The following HID1 variants were observed in gnomAD, a reference collection of about 807,000 sequenced individuals.
HID1 encodes the protein HID1 domain containing.
In HID1, 42 loss-of-function variants were observed where a neutral mutation model predicts 89.7. The observed-to-expected ratio is 0.47, with a 90% confidence interval of 0.37 to 0.61. The LOEUF (loss-of-function observed/expected upper bound fraction) is 0.61, where lower values mean the gene tolerates loss of function less well. HID1 is among the 20% of genes least tolerant of loss of function. The probability of loss-of-function intolerance (pLI) is 0.00; values close to 1 mark genes in which losing one functional copy is unlikely to be tolerated. For missense variants in HID1, 854 were observed against 1,039.3 expected (o/e 0.82, Z 2.45); for synonymous variants, 442 against 433.8 (o/e 1.02, Z -0.24).
At position 74,951,251 on chromosome 17, in the gene HID1, C is replaced by A; in HGVS notation, c.*319G>T. ...GGCTTCTGCCTCTGGGGCTGGGTAG[C>A]ACAGGAGTGGGTGGGCACTGAGGGG... is the stretch of plus-strand genomic sequence containing the variant. On this transcript the variant is annotated 3_prime_UTR_variant, in exon 19 of 19. Coordinates refer to ENST00000425042, the MANE Select transcript of HID1 (RefSeq NM_030630.3). 2.4e-6 allele frequency: 1 copy of A among 422,256 alleles called. No homozygotes were observed. The highest frequency in any genetic ancestry group is 4.3e-6 in the Non-Finnish European group (1 of 233,518). The allele number at this position is 422,256 out of a possible 1,614,324, so 26.2% of individuals were successfully genotyped here.
intron 1 of HID1, among the ~76,000 whole-genome samples, chr17:74,966,437 C>T (rs2039564914): frequency 1.3e-5 from 2 of 151,934 alleles, no homozygotes; most frequent in Non-Finnish European, 2.9e-5. Context: ...TGTTAAGGGA[C>T]CAGAGTGTCC....
In HID1 at chr17:74,972,189, G is replaced by T. The variant is rs2039658221; in HGVS notation, c.66+402C>A. 6.9e-6 allele frequency among the ~76,000 whole-genome samples: 1 copy of T among 144,050 alleles called. No homozygotes were observed. Among genetic ancestry groups the T allele is most frequent in the Non-Finnish European group, 1.5e-5 (1 of 65,274 alleles). 94.5% of individuals were successfully genotyped at this position (144,050 alleles called of 152,430 possible). A position where few individuals can be genotyped will look rare whatever the true frequency, so the allele number is the denominator to read the frequency against. On this transcript the variant is annotated intron_variant, in intron 1 of 18. Transcript: ENST00000425042. The surrounding 1 kb of genome is among the most constrained non-coding windows in gnomAD (Gnocchi z 6.4). ...GAGTCAACAGGGACTGTGCGTCCGGGACCCGCGGGCAATGAGGGGCAGGGA... is the reference window on the plus strand; with the variant it reads ...GAGTCAACAGGGACTGTGCGTCCGGTACCCGCGGGCAATGAGGGGCAGGGA...
chr17:74,970,020 G>C (rs1471338487), intron 1 of HID1, among the ~76,000 whole-genome samples: 1 of 148,232 alleles, frequency 6.7e-6, no homozygotes, highest in Non-Finnish European at 1.5e-5. Context: ...GGGGTCAAGC[G>C]ATTCTACTGC....
At position 74,963,154 on chromosome 17, in the gene HID1, G is replaced by A. The variant is rs142450791; in HGVS notation, c.388-73C>T. On this transcript the variant is annotated intron_variant, in intron 3 of 18. Transcript: ENST00000425042. ...AGAGGTGGCCCAGGGCTTGGGGGTG[G>A]TGGAGGACAGGGGCTGAGCCCAGGC... 2.8e-4 allele frequency: 313 copies of A among 1,122,106 alleles called. 1 individual carries two copies. The highest frequency in any genetic ancestry group is 1.0e-3 in the South Asian group (68 of 68,128). 69.5% of individuals were successfully genotyped at this position (1,122,106 alleles called of 1,614,324 possible).
At chr17:74,955,753 G>T in intron 13 of HID1, 39 bp downstream of exon 13, 1 of 1,601,848 alleles carries the variant, frequency 6.2e-7, no homozygotes, top group Non-Finnish European at 8.5e-7. Context: ...TAGGCCCGCT[G>T]GCCACCCTGA....
Position 74,962,271 on chromosome 17 carries a change from G to C in HID1, c.574C>G (p.His192Asp). 1 of 1,611,722 alleles carries C rather than the reference G, an allele frequency of 6.2e-7. No homozygotes were observed. Among genetic ancestry groups the C allele is most frequent in the Non-Finnish European group, 8.5e-7 (1 of 1,178,274 alleles). Residue 192 changes from histidine (H) to aspartate (D), a missense_variant, in exon 5 of 19, where the codon CAC becomes GAC. Coordinates refer to ENST00000425042, the MANE Select transcript of HID1 (RefSeq NM_030630.3). The surrounding 1 kb of genome is among the most constrained non-coding windows in gnomAD (Gnocchi z 4.3). ...YIWEAGVGFA[H>D]SPQPNYIHDM... is the part of the protein sequence containing the mutation. ...TGGATGTAGTTAGGCTGGGGGGAGT[G>C]AGCGAAGCCCACACCAGCCTCCCAG...
chr17:74,960,280 C>G (rs759670045), intron 6 of HID1, 32 bp from the exon 7 acceptor site: 6 of 1,574,008 alleles, frequency 3.8e-6, no homozygotes, highest in Non-Finnish European at 5.2e-6. Context: ...GCTGCAGAGG[C>G]TGCACTGGGG....
chr17:74,957,390 A>G (rs1311662313), intron 12 of HID1, among the ~76,000 whole-genome samples: 1 of 151,604 alleles, frequency 6.6e-6, no homozygotes, highest in Non-Finnish European at 1.5e-5. Flanking sequence ...AGGCTGAGGC[A>G]TGAGGATCAC....
chr17:74,959,847 C>T lies in HID1; in HGVS notation c.1008+34G>A. 1 of 1,609,796 alleles carries T rather than the reference C, an allele frequency of 6.2e-7. No individual in the cohort carries two copies. Among genetic ancestry groups the T allele is most frequent in the East Asian group, 2.2e-5 (1 of 44,854 alleles). ...TCCCTGTCTCACTTGCATCCCCCTG[C>T]ACCCTGCAAAGCCACTGTGGGGACT... is the stretch of plus-strand genomic sequence containing the variant. On this transcript the variant is annotated intron_variant, in intron 8 of 18. Transcript: ENST00000425042. This position sits in a 1 kb window ranked among gnomAD's most constrained non-coding sequence, Gnocchi z 4.6.
At position 74,958,943 on chromosome 17, in the gene HID1, C is replaced by T. The variant is rs1206706354; in HGVS notation, c.1117G>A (p.Val373Ile). Residue 373 changes from valine (V) to isoleucine (I), a missense_variant, in exon 9 of 19, where the codon GTT becomes ATT. Val to Ile is a conservative substitution (Grantham distance 29). Transcript: ENST00000425042. The surrounding 1 kb of genome is among the most constrained non-coding windows in gnomAD (Gnocchi z 5.2). ...AAGTCGCAGAGCTTCCAGAAGAGAA[C>T]TAGCAGCTCCTGGTGGAACTGGATC... ...KKIQFHQELL[V>I]LFWKLCDFNK... 6.2e-7 allele frequency: 1 copy of T among 1,603,578 alleles called. No homozygotes were observed. The highest frequency in any genetic ancestry group is 2.2e-5 in the East Asian group (1 of 44,836).
chr17:74,962,385 G>T lies in HID1; in HGVS notation c.505-45C>A. On this transcript the variant is annotated intron_variant, in intron 4 of 18. Transcript: ENST00000425042. This position sits in a 1 kb window ranked among gnomAD's most constrained non-coding sequence, Gnocchi z 4.3. ...AAGCCGGGTTAGGGGGTCGAGAGGT[G>T]AACAGCAGCCTGGGTCAGAACCTGG... 2.2e-6 allele frequency: 3 copies of T among 1,375,008 alleles called. No homozygotes were observed. Among genetic ancestry groups the T allele is most frequent in the South Asian group, 2.5e-5 (2 of 81,322 alleles). 85.2% of individuals were successfully genotyped at this position (1,375,008 alleles called of 1,614,324 possible).
intron 16 of HID1, 51 bp from the exon 17 acceptor site, chr17:74,952,411 C>T (rs986672710): frequency 1.4e-6 from 2 of 1,398,170 alleles, no homozygotes; most frequent in African/African-American, 1.4e-5. Flanking sequence ...CCGGAGGCTG[C>T]GGGGCAAGCC....
Position 74,961,403 on chromosome 17 carries a change from G to C in HID1, c.728+470C>G, listed in dbSNP as rs189137054. ...GTGCCTCAGCCTCCCGAGTAGCTGG[G>C]ATTACAGGCACCCGCCACCAAGCCT... On this transcript the variant is annotated intron_variant, in intron 6 of 18. Transcript: ENST00000425042. Among the ~76,000 whole-genome samples the C allele has an allele frequency of 2.3e-4, 35 of 152,092 alleles. No homozygotes were observed. The East Asian group carries it at 6.8e-3, about 29-fold the overall frequency.
In HID1 at chr17:74,951,006, C is replaced by T. The variant is rs545198015; in HGVS notation, c.*564G>A. On this transcript the variant is annotated 3_prime_UTR_variant, in exon 19 of 19. Transcript: ENST00000425042. ...ATAGCAGGAGACCCTCACCACCCCA[C>T]ACCATGCCCCAAGGATACGGGAGGT... The T allele has an allele frequency of 2.1e-4, 33 of 153,954 alleles. No individual in the cohort carries two copies. Among genetic ancestry groups the T allele is most frequent in the African/African-American group, 7.2e-4 (30 of 41,616 alleles). 9.5% of individuals were successfully genotyped at this position (153,954 alleles called of 1,614,324 possible).
chr17:74,952,863 T>A (rs66878863), intron 16 of HID1, 143 bp downstream of exon 16: 56,935 of 636,486 alleles, frequency 0.089, 8,392 homozygotes, highest in East Asian at 0.53. Context: ...AGAGTCAGGC[T>A]TCTATGCTAG....
intron 14 of HID1, 120 bp from the exon 15 acceptor site, chr17:74,953,771 G>T: frequency 1.3e-6 from 1 of 756,056 alleles, no homozygotes; most frequent in Non-Finnish European, 2.2e-6. Context: ...ACCTCCACCG[G>T]CTCTAGAGGC....
In HID1 at chr17:74,962,178, G is replaced by A; in HGVS notation, c.611+56C>T. The A allele has an allele frequency of 6.9e-7, 1 of 1,454,070 alleles. No homozygotes were observed. The highest frequency in any genetic ancestry group is 1.2e-5 in the South Asian group (1 of 82,094). 90.1% of individuals were successfully genotyped at this position (1,454,070 alleles called of 1,614,324 possible). A position where few individuals can be genotyped will look rare whatever the true frequency, so the allele number is the denominator to read the frequency against. ...CCCCATGGGCTTTCTGAGCTGTGCG[G>A]GGGCCCGGCCCGGGGTCCAGCTGCA... On this transcript the variant is annotated intron_variant, in intron 5 of 18. Coordinates refer to ENST00000425042, the MANE Select transcript of HID1 (RefSeq NM_030630.3). This position sits in a 1 kb window ranked among gnomAD's most constrained non-coding sequence, Gnocchi z 4.3.
chr17:74,954,249 G>T lies in HID1; in HGVS notation c.1753C>A (p.Pro585Thr). 6.3e-7 allele frequency: 1 copy of T among 1,590,980 alleles called. No individual in the cohort carries two copies. Among genetic ancestry groups the T allele is most frequent in the Non-Finnish European group, 8.5e-7 (1 of 1,169,902 alleles). The change falls in exon 14 of 19, where the codon CCT becomes ACT. Residue 585 changes from proline (P) to threonine (T), a missense_variant. Physicochemically the swap from Pro to Thr is conservative, Grantham distance 38. Transcript: ENST00000425042. Reference sequence around the variant, plus strand: ...GAGCCGGTGCGAGACAAGGGCTCAGGTGTCCGCCGGCGCCGCTGCAGGGCC... The same window carrying T: ...GAGCCGGTGCGAGACAAGGGCTCAGTTGTCCGCCGGCGCCGCTGCAGGGCC... ...HKALQRRRRT[P>T]EPLSRTGSQE...
At chr17:74,971,938 C>CG (rs1261427499) in intron 1 of HID1, among the ~76,000 whole-genome samples, 4 of 151,962 alleles carry the variant, frequency 2.6e-5, no homozygotes, top group East Asian at 3.9e-4. Context: ...TGCAGGGCCT[C>CG]GGGGAAGGCC....
Sources: gnomAD v4.1 joint callset for allele counts (sites outside exome capture counted in the v4.1 genomes callset) on GRCh38, gnomAD v4.1.1 for gene constraint, Gnocchi (gnomAD v3.1) non-coding constraint, MANE v1.5 for transcripts, NCBI Gene and HGNC (gene_info 2026-07-23, HGNC 2026-07-21) for gene names.